Variants in MRPS28 observed in about 807,000 individuals in gnomAD.
The protein encoded by MRPS28 is mitochondrial ribosomal protein S28, also known as small ribosomal subunit protein bS1m.
In MRPS28, 7 loss-of-function variants were observed where a neutral mutation model predicts 10.8. The ratio of observed to expected loss-of-function variants is 0.65; its 90% confidence interval spans 0.37 to 1.22. The LOEUF is 1.22. MRPS28 is among the 50% of genes most tolerant of loss of function. The pLI, the probability that MRPS28 is intolerant of heterozygous loss-of-function variation, is 0.02. For synonymous variants in MRPS28, 121 were observed against 93.3 expected (o/e 1.30, Z -1.71); for missense variants, 265 against 232.9 (o/e 1.14, Z -0.90).
intron 2 of MRPS28, among the ~76,000 whole-genome samples, chr8:79,963,905 C>T (rs939787043): frequency 1.3e-5 from 2 of 152,066 alleles, no homozygotes; most frequent in African/African-American, 4.8e-5. Flanking sequence ...AGATGAAACT[C>T]TCCTACCAAG....
At chr8:79,974,071 T>C (rs568912993) in intron 2 of MRPS28, among the ~76,000 whole-genome samples, 4 of 152,090 alleles carry the variant, frequency 2.6e-5, no homozygotes, top group Non-Finnish European at 5.9e-5. Flanking sequence ...TATCACATTT[T>C]CAGCACCAGC....
At chr8:79,987,364 G>A (rs1301675033) in intron 2 of MRPS28, among the ~76,000 whole-genome samples, 1 of 152,194 alleles carries the variant, frequency 6.6e-6, no homozygotes, top group Non-Finnish European at 1.5e-5. Flanking sequence ...ACATAGGCAT[G>A]GAAAAGGACT....
intron 2 of MRPS28, among the ~76,000 whole-genome samples, chr8:79,935,150 A>C (rs1480659751): frequency 1.3e-5 from 2 of 152,180 alleles, no homozygotes; most frequent in African/African-American, 4.8e-5. Flanking sequence ...AATCACAGTA[A>C]TCCAACAATA....
chr8:79,922,220 G>C (rs1286154465), intron 2 of MRPS28, among the ~76,000 whole-genome samples: 1 of 152,142 alleles, frequency 6.6e-6, no homozygotes, highest in East Asian at 1.9e-4. Context: ...TGAACCTGGA[G>C]GACTTTATAA....
chr8:79,986,555 C>A (rs986108772), intron 2 of MRPS28, among the ~76,000 whole-genome samples: 1 of 152,196 alleles, frequency 6.6e-6, no homozygotes, highest in African/African-American at 2.4e-5. Context: ...TCTCCTTAAG[C>A]TGATAAGAAA....
chr8:79,988,352 G>A (rs982441989), intron 2 of MRPS28, among the ~76,000 whole-genome samples: 1 of 151,532 alleles, frequency 6.6e-6, no homozygotes, highest in Non-Finnish European at 1.5e-5. Context: ...CAGCACACCA[G>A]CATGGCACGT....
chr8:79,980,768 T>A (rs1807932189), intron 2 of MRPS28, among the ~76,000 whole-genome samples: 1 of 152,232 alleles, frequency 6.6e-6, no homozygotes, highest in Non-Finnish European at 1.5e-5. Context: ...CATTTAAAAA[T>A]TATTTTCTCC....
At chr8:79,927,295 A>T (rs1356002110) in intron 2 of MRPS28, among the ~76,000 whole-genome samples, 1 of 152,234 alleles carries the variant, frequency 6.6e-6, no homozygotes, top group African/African-American at 2.4e-5. Context: ...ACAATGCTCG[A>T]GAACATAACA....
intron 2 of MRPS28, among the ~76,000 whole-genome samples, chr8:79,973,469 A>G (rs991573839): frequency 6.6e-6 from 1 of 152,182 alleles, no homozygotes; most frequent in Non-Finnish European, 1.5e-5. Flanking sequence ...CCTGGGCAAC[A>G]TATGAAGACA....
intron 2 of MRPS28, among the ~76,000 whole-genome samples, chr8:79,975,762 GA>G (rs1807780090): frequency 6.6e-6 from 1 of 151,994 alleles, no homozygotes; most frequent in Non-Finnish European, 1.5e-5. Flanking sequence ...GGAAATTTGA[GA>G]ATGTGTATAA....
intron 2 of MRPS28, among the ~76,000 whole-genome samples, chr8:79,997,832 A>AGT (rs1808543673): frequency 6.6e-6 from 1 of 152,122 alleles, no homozygotes; most frequent in Non-Finnish European, 1.5e-5. Flanking sequence ...AGACGGGCGG[A>AGT]TCACTTGACG....
At chr8:80,026,807 C>T (rs879546792) in intron 1 of MRPS28, among the ~76,000 whole-genome samples, 1 of 152,026 alleles carries the variant, frequency 6.6e-6, no homozygotes, top group Non-Finnish European at 1.5e-5. Flanking sequence ...GGGCTTTTTG[C>T]CATGAAAAAC....
chr8:79,970,064 A>T (rs1030801890), intron 2 of MRPS28, among the ~76,000 whole-genome samples: 1 of 152,214 alleles, frequency 6.6e-6, no homozygotes, highest in African/African-American at 2.4e-5. Flanking sequence ...CATGTGAACA[A>T]CATCGATATT....
At chr8:79,990,725 CAT>C (rs1808337923) in intron 2 of MRPS28, among the ~76,000 whole-genome samples, 1 of 151,630 alleles carries the variant, frequency 6.6e-6, no homozygotes, top group Non-Finnish European at 1.5e-5. Flanking sequence ...CGCAGTGGCT[CAT>C]GTCTGTAATC....
chr8:79,959,125 G>A (rs1188368598), intron 2 of MRPS28, among the ~76,000 whole-genome samples: 3 of 152,070 alleles, frequency 2.0e-5, no homozygotes, highest in East Asian at 1.9e-4. Flanking sequence ...CAGGAATTAC[G>A]TTATTTTAAC....
intron 2 of MRPS28, among the ~76,000 whole-genome samples, chr8:79,989,509 G>T (rs1422512177): frequency 3.3e-5 from 5 of 152,124 alleles, no homozygotes; most frequent in South Asian, 2.1e-4. Flanking sequence ...TGAATAATAA[G>T]AATAATATAC....
At chr8:80,019,557 T>C (rs922654004) in intron 1 of MRPS28, among the ~76,000 whole-genome samples, 1 of 152,056 alleles carries the variant, frequency 6.6e-6, no homozygotes, top group Non-Finnish European at 1.5e-5. Flanking sequence ...AAACTTTTCC[T>C]ACTAAGCACA....
intron 1 of MRPS28, among the ~76,000 whole-genome samples, chr8:80,026,400 A>G (rs2130255943): frequency 6.6e-6 from 1 of 152,350 alleles, no homozygotes; most frequent in Admixed American, 6.5e-5. Context: ...GGCACATTCA[A>G]CTGACATGCT....
chr8:79,995,185 C>T (rs1169162571), intron 2 of MRPS28, among the ~76,000 whole-genome samples: 1 of 152,156 alleles, frequency 6.6e-6, no homozygotes, highest in Non-Finnish European at 1.5e-5. Flanking sequence ...GCCTTAAATA[C>T]ACAGGTAGCA....
Sources: allele counts gnomAD v4.1 joint callset (sites outside exome capture counted in the v4.1 genomes callset), GRCh38; gene constraint gnomAD v4.1.1; transcripts MANE v1.5; gene names NCBI Gene and HGNC (gene_info 2026-07-23, HGNC 2026-07-21).